Variants in VOPP1 observed in about 807,000 individuals in gnomAD.
VOPP1 encodes WW domain binding protein VOPP1.
VOPP1 carries 8 observed loss-of-function variants against 23.5 expected under a neutral mutation model. The observed-to-expected ratio is 0.34, with a 90% CI of 0.20 to 0.61. The LOEUF is 0.61. VOPP1 is among the 20% of genes least tolerant of loss of function. The pLI is 0.78. For synonymous variants in VOPP1, 83 were observed against 97.3 expected (o/e 0.85, Z 0.86); for missense variants, 174 against 238.1 (o/e 0.73, Z 1.77).
At chr7:55,501,566 C>T (rs932368421) in intron 2 of VOPP1, among the ~76,000 whole-genome samples, 4 of 152,342 alleles carry the variant, frequency 2.6e-5, no homozygotes, top group Middle Eastern at 3.4e-3. Flanking sequence ...TGTCTTCTGT[C>T]TAGGTGGCAA....
chr7:55,494,423 T>C (rs565305149), intron 3 of VOPP1, among the ~76,000 whole-genome samples: 1 of 152,300 alleles, frequency 6.6e-6, no homozygotes, highest in African/African-American at 2.4e-5. Context: ...ATCTTAGTCT[T>C]GTCTAAAAAA....
At chr7:55,572,232 G>C (rs1456797912) in intron 1 of VOPP1, 39 bp downstream of exon 1, 1 of 1,493,996 alleles carries the variant, frequency 6.7e-7, no homozygotes, top group Non-Finnish European at 8.9e-7. Flanking sequence ...AGCATGGTGG[G>C]CGCCGCGCCT....
chr7:55,451,520 A>C (rs940721616), intron 4 of VOPP1, among the ~76,000 whole-genome samples: 1 of 152,228 alleles, frequency 6.6e-6, no homozygotes, highest in Non-Finnish European at 1.5e-5. Context: ...GGCCGGATGT[A>C]GTGGCTCACG....
intron 1 of VOPP1, among the ~76,000 whole-genome samples, chr7:55,541,080 C>A (rs1032881588): frequency 6.6e-6 from 1 of 152,040 alleles, no homozygotes; most frequent in Non-Finnish European, 1.5e-5. Flanking sequence ...AAAGTCTTAC[C>A]GCTCAATATC....
chr7:55,444,071 C>T (rs907750237), intron 4 of VOPP1, among the ~76,000 whole-genome samples: 3 of 113,584 alleles, frequency 2.6e-5, no homozygotes, highest in Admixed American at 2.6e-4. Context: ...CAAGACTGGC[C>T]CTTTATCTAT....
intron 1 of VOPP1, among the ~76,000 whole-genome samples, chr7:55,533,204 T>C (rs1796593865): frequency 6.6e-6 from 1 of 152,182 alleles, no homozygotes; most frequent in Non-Finnish European, 1.5e-5. Context: ...TAAAAGCTGG[T>C]TCAGTCAGCT....
rs775534773 is a variant in VOPP1, at chr7:55,497,703, G to A, written c.114-13C>T. 5.0e-6 allele frequency: 8 copies of A among 1,613,528 alleles called. No homozygotes were observed. Among genetic ancestry groups the A allele is most frequent in the Admixed American group, 1.7e-5 (1 of 60,028 alleles). ...GTAGGAGCGGCATCTGTGGAGAGAG[G>A]CACAGGCTGGTCAGCACTGAATTGG... On this transcript the variant is annotated splice_polypyrimidine_tract_variant and intron_variant, in intron 2 of 4. Transcript: ENST00000285279.
intron 3 of VOPP1, among the ~76,000 whole-genome samples, chr7:55,494,353 C>T (rs1444748100): frequency 1.3e-5 from 2 of 152,156 alleles, no homozygotes; most frequent in African/African-American, 2.4e-5. Flanking sequence ...TTTCTCAGAG[C>T]CACTGGCCAC....
At chr7:55,435,860 G>A (rs757325425), downstream of VOPP1, among the ~76,000 whole-genome samples, 12 of 152,220 alleles carry the variant, frequency 7.9e-5, no homozygotes, top group Non-Finnish European at 1.5e-4. Context: ...GCTGAGTGCT[G>A]TGAGTGGAAT....
chr7:55,551,657 G>A (rs1479147005), intron 1 of VOPP1, among the ~76,000 whole-genome samples: 2 of 152,202 alleles, frequency 1.3e-5, no homozygotes, highest in Non-Finnish European at 2.9e-5. Context: ...GGTCAGGGCT[G>A]AGGTGGAGGA....
rs927972202 is a variant in VOPP1, at chr7:55,441,395, C to T, written n.418-5221G>A. On this transcript the variant is annotated intron_variant and non_coding_transcript_variant, in intron 4 of 4. Transcript: ENST00000462326. ...TGCCTGAAACTCCTGTATTCCACAC[C>T]CAGAGACAAGCGCACAGTTAAAAGT... Among the ~76,000 whole-genome samples the T allele has an allele frequency of 2.5e-3, 378 of 152,302 alleles. 3 individuals are homozygous for T. Among genetic ancestry groups the T allele is most frequent in the African/African-American group, 8.9e-3 (369 of 41,558 alleles).
rs543533717 is a variant in VOPP1 at position 55,454,986 on chromosome 7, C to T, written n.418-18812G>A. 5.8e-4 allele frequency among the ~76,000 whole-genome samples: 88 copies of T among 151,772 alleles called. No individual in the cohort carries two copies. The South Asian group carries it at 5.8e-3, about 10-fold the overall frequency. ...AAGAGAAAGAAATAAAGAAATAAAG[C>T]GTATTCAATTAGGAAAAGAGGAAGT... is the stretch of plus-strand genomic sequence containing the variant. On this transcript the variant is annotated intron_variant and non_coding_transcript_variant, in intron 4 of 4. Coordinates refer to the VOPP1 transcript ENST00000462326.
chr7:55,537,245 G>A (rs58405824), intron 1 of VOPP1, among the ~76,000 whole-genome samples: 2,485 of 152,102 alleles, frequency 0.016, 75 homozygotes, highest in African/African-American at 0.057. Context: ...TTTGTACCCC[G>A]AACACCCACA....
At chr7:55,492,728 T>G in intron 3 of VOPP1, 1 of 240,642 alleles carries the variant, frequency 4.2e-6, no homozygotes, top group East Asian at 8.2e-5. Context: ...ATGCAGTCAC[T>G]TCCTCGTCCA....
intron 4 of VOPP1, among the ~76,000 whole-genome samples, chr7:55,448,552 T>C (rs1204586813): frequency 7.3e-6 from 1 of 137,672 alleles, no homozygotes; most frequent in African/African-American, 2.5e-5. Context: ...GTCCTGGCAG[T>C]TGGCAGGAGA....
intron 1 of VOPP1, among the ~76,000 whole-genome samples, chr7:55,524,975 C>T (rs1796082563): frequency 6.6e-6 from 1 of 152,042 alleles, no homozygotes; most frequent in Admixed American, 6.5e-5. Context: ...CAGAGTACTC[C>T]CAATCACCAG....
At chr7:55,482,342 G>T (rs1792785026) in intron 4 of VOPP1, among the ~76,000 whole-genome samples, 1 of 121,996 alleles carries the variant, frequency 8.2e-6, no homozygotes, top group East Asian at 2.3e-4. Flanking sequence ...AGGAAGAAGG[G>T]AGGTATTTTT....
intron 1 of VOPP1, among the ~76,000 whole-genome samples, chr7:55,528,792 T>C (rs950177374): frequency 1.3e-5 from 2 of 152,004 alleles, no homozygotes; most frequent in Non-Finnish European, 2.9e-5. Context: ...TGAAATAATA[T>C]ACAAGGCTAG....
At chr7:55,535,818 T>G (rs1796752204) in intron 1 of VOPP1, among the ~76,000 whole-genome samples, 2 of 152,224 alleles carry the variant, frequency 1.3e-5, no homozygotes, top group South Asian at 4.1e-4. Context: ...TGCTCAGCAC[T>G]GTGTCTGCCA....
Sources: gnomAD v4.1 joint callset for allele counts (sites outside exome capture counted in the v4.1 genomes callset) on GRCh38, gnomAD v4.1.1 for gene constraint, MANE v1.5 for transcripts, NCBI Gene and HGNC (gene_info 2026-07-23, HGNC 2026-07-21) for gene names.